The following CRACR2A variants were observed in gnomAD, a reference collection of about 807,000 sequenced individuals.
CRACR2A encodes the protein calcium release activated channel regulator 2A.
Under a neutral mutation model 90.5 loss-of-function variants are expected in CRACR2A, and 79 were observed. The ratio of observed to expected loss-of-function variants is 0.87; its 90% CI spans 0.73 to 1.05. The LOEUF (loss-of-function observed/expected upper bound fraction) is 1.05. CRACR2A is among the 50% of genes least tolerant of loss of function. CRACR2A has a pLI of 0.00. For missense variants in CRACR2A, 823 were observed against 897.2 expected (o/e 0.92, Z 1.06); for synonymous variants, 338 against 356.7 (o/e 0.95, Z 0.59).
chr12:3,717,972 T>G (rs1946104897), intron 2 of CRACR2A, among the ~76,000 whole-genome samples: 1 of 152,190 alleles, frequency 6.6e-6, no homozygotes, highest in Admixed American at 6.5e-5. Flanking sequence ...TTAAGAACAC[T>G]AGGCTTTGGT....
rs548634992 is a variant in CRACR2A, at chr12:3,633,082, G to T, written c.1735+522C>A. Among the ~76,000 whole-genome samples, 1 of 152,170 alleles carries T rather than the reference G, an allele frequency of 6.6e-6. No homozygotes were observed. The highest frequency in any genetic ancestry group is 1.9e-4 in the East Asian group (1 of 5,178). ...GCTTCCACATTTAAGTCCAGCTGTCGCCCAGCAGGCTGGGGACTTAGGACA... is the reference window on the plus strand; with the variant it reads ...GCTTCCACATTTAAGTCCAGCTGTCTCCCAGCAGGCTGGGGACTTAGGACA... On this transcript the variant is annotated intron_variant, in intron 15 of 19. Transcript: ENST00000440314. The surrounding 1 kb of genome is among the most constrained non-coding windows in gnomAD (Gnocchi z 4.5).
intron 17 of CRACR2A, among the ~76,000 whole-genome samples, chr12:3,625,633 A>G (rs1309214456): frequency 6.8e-6 from 1 of 147,708 alleles, no homozygotes; most frequent in Non-Finnish European, 1.5e-5. Context: ...GGAGATTTTC[A>G]AAGGGAAACT....
intron 18 of CRACR2A, among the ~76,000 whole-genome samples, chr12:3,618,738 A>G (rs562070742): frequency 6.6e-6 from 1 of 152,328 alleles, no homozygotes; most frequent in Admixed American, 6.5e-5. Flanking sequence ...CCTGATTTCC[A>G]TTAAGCCCCA....
chr12:3,713,709 C>T (rs908172467), intron 2 of CRACR2A, among the ~76,000 whole-genome samples: 1 of 152,166 alleles, frequency 6.6e-6, no homozygotes, highest in African/African-American at 2.4e-5. Context: ...CACAGGAGCT[C>T]ACCTTTGAAG....
Position 3,659,615 on chromosome 12 carries a change from A to G in CRACR2A, c.711T>C (p.Tyr237=). ...AAYDEEIQHL[Y]EEMEQQIKSE... ...TTTTGATTTGTTGTTCCATCTCCTCATAGAGATGCTGGATTTCTTCATCAT... is the reference window on the plus strand; with the variant it reads ...TTTTGATTTGTTGTTCCATCTCCTCGTAGAGATGCTGGATTTCTTCATCAT... The change falls in exon 8 of 20, where the codon TAT becomes TAC. Residue 237 remains tyrosine (Y), a synonymous_variant. Transcript: ENST00000440314. 6.2e-7 allele frequency: 1 copy of G among 1,614,164 alleles called. No individual in the cohort carries two copies. The highest frequency in any genetic ancestry group is 8.5e-7 in the Non-Finnish European group (1 of 1,180,004).
intron 14 of CRACR2A, 138 bp downstream of exon 14, chr12:3,637,986 T>G: frequency 1.2e-6 from 1 of 823,948 alleles, no homozygotes; most frequent in Non-Finnish European, 1.8e-6. Context: ...AAAGTGGTAT[T>G]TGGAGGACAC....
intron 7 of CRACR2A, among the ~76,000 whole-genome samples, chr12:3,668,304 G>A (rs1335133509): frequency 6.6e-6 from 1 of 152,168 alleles, no homozygotes; most frequent in Non-Finnish European, 1.5e-5. Flanking sequence ...GGAAGAACTG[G>A]CTAAAGCAGC....
chr12:3,664,046 T>A (rs921158400), intron 7 of CRACR2A, among the ~76,000 whole-genome samples: 1 of 152,380 alleles, frequency 6.6e-6, no homozygotes, highest in South Asian at 2.1e-4. Context: ...AGTGTTTCAA[T>A]GACCTTCCAA....
At position 3,682,691 on chromosome 12, in the gene CRACR2A, T is replaced by C. The variant is rs1945479112; in HGVS notation, c.229-2342A>G. On this transcript the variant is annotated intron_variant, in intron 4 of 19. Transcript: ENST00000440314. ...TAGTCTTAATAACCATAATTATCTC[T>C]TATTTATCGCTCTGCTCAGGGCCTA... is the stretch of plus-strand genomic sequence containing the variant. 3.3e-5 allele frequency among the ~76,000 whole-genome samples: 5 copies of C among 152,288 alleles called. No homozygotes were observed. In the South Asian group the frequency reaches 1.0e-3, roughly 32 times the overall value.
intron 10 of CRACR2A, among the ~76,000 whole-genome samples, chr12:3,649,267 A>AATAAAT (rs1402811593): frequency 6.6e-6 from 1 of 152,000 alleles, no homozygotes; most frequent in Non-Finnish European, 1.5e-5. Context: ...TAAATAAATA[A>AATAAAT]AAAAGAGTTT....
At chr12:3,655,750 G>C (rs11615991) in intron 9 of CRACR2A, among the ~76,000 whole-genome samples, 13,333 of 152,284 alleles carry the variant, frequency 0.088, 803 homozygotes, top group Non-Finnish European at 0.13. Flanking sequence ...CTGGAGGCTC[G>C]GGTACATCAG....
chr12:3,624,855 T>C (rs1944225462), intron 17 of CRACR2A, among the ~76,000 whole-genome samples: 1 of 152,202 alleles, frequency 6.6e-6, no homozygotes, highest in African/African-American at 2.4e-5. Context: ...GAGAGTCCTA[T>C]ATATGTTAGG....
At chr12:3,696,594 A>G (rs1284227944) in intron 4 of CRACR2A, among the ~76,000 whole-genome samples, 178 bp downstream of exon 4, 1 of 152,238 alleles carries the variant, frequency 6.6e-6, no homozygotes, top group Non-Finnish European at 1.5e-5. Context: ...AAGGCCAGAA[A>G]TAGAATGAAC....
chr12:3,702,465 C>T (rs1945848199), intron 3 of CRACR2A, among the ~76,000 whole-genome samples: 1 of 152,018 alleles, frequency 6.6e-6, no homozygotes, highest in East Asian at 1.9e-4. Context: ...TTGCAGGACA[C>T]ACACTCAGTA....
At chr12:3,728,332 G>T (rs1946303732) in intron 2 of CRACR2A, 1 of 152,300 alleles carries the variant, frequency 6.6e-6, no homozygotes, top group Admixed American at 6.5e-5. Context: ...CTGCCCGTAG[G>T]CTGCTGTGGT....
At chr12:3,678,143 T>C (rs1428658875) in intron 6 of CRACR2A, among the ~76,000 whole-genome samples, 1 of 152,194 alleles carries the variant, frequency 6.6e-6, no homozygotes, top group East Asian at 1.9e-4. Flanking sequence ...GCAGAAGGTA[T>C]TACATGCTTT....
chr12:3,737,367 G>A (rs143053868), intron 1 of CRACR2A, among the ~76,000 whole-genome samples: 1 of 152,320 alleles, frequency 6.6e-6, no homozygotes, highest in East Asian at 1.9e-4. Context: ...AGGCTGAAGA[G>A]TAGGACTTGA....
At position 3,696,803 on chromosome 12, in the gene CRACR2A, C is replaced by A; in HGVS notation, c.197G>T (p.Gly66Val). ...ATCCTTCCTGGCGATGAAGCCCTTGCCTTCAGCATCACAGGTCTGAAAGAA... is the reference window on the plus strand; with the variant it reads ...ATCCTTCCTGGCGATGAAGCCCTTGACTTCAGCATCACAGGTCTGAAAGAA... ...QEFFQTCDAEGKGFIARKDMQ... is the reference protein window; with the variant it reads ...QEFFQTCDAEVKGFIARKDMQ... The change falls in exon 4 of 20, where the codon GGC becomes GTC. Residue 66 changes from glycine (G) to valine (V), a missense_variant. Transcript: ENST00000440314. 1 of 1,614,214 alleles carries A rather than the reference C, an allele frequency of 6.2e-7. No homozygotes were observed. The highest frequency in any genetic ancestry group is 8.5e-7 in the Non-Finnish European group (1 of 1,180,046).
intron 1 of CRACR2A, among the ~76,000 whole-genome samples, chr12:3,749,781 T>C (rs966484251): frequency 6.7e-6 from 1 of 149,156 alleles, no homozygotes; most frequent in African/African-American, 2.5e-5. Flanking sequence ...GTTGTTGTTG[T>C]TGTTGCTGTT....
Sources: allele counts gnomAD v4.1 joint callset (sites outside exome capture counted in the v4.1 genomes callset), GRCh38; gene constraint gnomAD v4.1.1; non-coding constraint Gnocchi (gnomAD v3.1); transcripts MANE v1.5; gene names NCBI Gene and HGNC (gene_info 2026-07-23, HGNC 2026-07-21).